Variants in LRRC4C observed in about 807,000 individuals in gnomAD.
The protein encoded by LRRC4C is leucine rich repeat containing 4C.
A neutral mutation model predicts 33.6 loss-of-function variants in LRRC4C; 5 were observed. The observed-to-expected ratio is 0.15, with a 90% CI of 0.08 to 0.31. The LOEUF is 0.31. Ranked by LOEUF, LRRC4C falls within the 10% of genes least tolerant of loss-of-function variation. The probability of loss-of-function intolerance (pLI) is 1.00; values close to 1 mark genes in which losing one functional copy is unlikely to be tolerated. For missense variants in LRRC4C, 560 were observed against 796.7 expected, an observed-to-expected ratio of 0.70 and a Z score of 3.58; for synonymous variants, 329 against 302.0, an observed-to-expected ratio of 1.09 and a Z score of -0.93.
rs551948979 is a variant in LRRC4C at position 40,914,274 on chromosome 11, T to G, written c.-407+19361A>C. On this transcript the variant is annotated intron_variant, in intron 2 of 6. Transcript: ENST00000528697. Reference sequence around the variant, plus strand: ...GAGAATTTTAGGCCAATATCCCTGATGAACATTAATGCAAAAATCCTCAAT... The same window carrying G: ...GAGAATTTTAGGCCAATATCCCTGAGGAACATTAATGCAAAAATCCTCAAT... Among the ~76,000 whole-genome samples, 4 of 152,296 alleles carry G rather than the reference T, an allele frequency of 2.6e-5. No homozygotes were observed. In the South Asian group the frequency reaches 8.3e-4, roughly 32 times the overall value.
chr11:40,891,555 G>A (rs887462941), intron 2 of LRRC4C, among the ~76,000 whole-genome samples: 1 of 151,870 alleles, frequency 6.6e-6, no homozygotes, highest in Non-Finnish European at 1.5e-5. Context: ...TAACTCTACA[G>A]GAAAAAATCT....
At chr11:41,143,094 C>T (rs148162942) in intron 1 of LRRC4C, among the ~76,000 whole-genome samples, 190 of 151,830 alleles carry the variant, frequency 1.3e-3, no homozygotes, top group Middle Eastern at 0.01. Context: ...AAAAACTCTA[C>T]GATAAAGAAA....
At position 40,115,665 on chromosome 11, in the gene LRRC4C, G is replaced by A. The variant is rs568747706; in HGVS notation, c.628C>T (p.Arg210Trp). 65 of 1,614,160 alleles carry A rather than the reference G, an allele frequency of 4.0e-5. No homozygotes were observed. Among genetic ancestry groups the A allele is most frequent in the Middle Eastern group, 1.6e-4 (1 of 6,062 alleles). Residue 210 changes from arginine to tryptophan, a missense_variant, in exon 7 of 7, where the codon CGG becomes TGG. By Grantham distance (101) the Arg-to-Trp change is moderately radical. Around this residue, in one of 3 missense-constraint regions of LRRC4C, gnomAD observed 455 missense variants for 643.8 expected, o/e 0.71. Coordinates refer to ENST00000528697, the MANE Select transcript of LRRC4C (RefSeq NM_001258419.2). This position sits in a 1 kb window ranked among gnomAD's most constrained non-coding sequence, Gnocchi z 6.7. ...AGCGGTGTGAGGTTAGGGATTTCCC[G>A]AAGGTTGCACATGGCAAGGTTCAAA... ...RYLNLAMCNL[R>W]EIPNLTPLIK...
Position 41,037,279 on chromosome 11 carries a change from T to TG in LRRC4C, c.-495-103557dup, listed in dbSNP as rs754929003. Among the ~76,000 whole-genome samples, 14 of 92,434 alleles carry TG rather than the reference T, an allele frequency of 1.5e-4. 1 individual carries two copies. In the South Asian group the frequency reaches 1.5e-3, roughly 10 times the overall value. 60.6% of individuals were successfully genotyped at this position (92,434 alleles called of 152,430 possible). A position where few individuals can be genotyped will look rare whatever the true frequency, so the allele number is the denominator to read the frequency against. ...ATTCTTCCCAATTACCTATCTTTGA[T>TG]GGGTTTTTTTTTTTCTGATAATGCC... On this transcript the variant is annotated intron_variant, in intron 1 of 6. Coordinates refer to ENST00000528697, the MANE Select transcript of LRRC4C (RefSeq NM_001258419.2).
intron 2 of LRRC4C, among the ~76,000 whole-genome samples, chr11:40,651,543 G>T (rs1269589952): frequency 2.0e-5 from 3 of 152,060 alleles, no homozygotes; most frequent in Admixed American, 6.6e-5. Context: ...CCATCTATTG[G>T]AGATCCTCTA....
chr11:40,957,602 A>G (rs1959016002), intron 1 of LRRC4C, among the ~76,000 whole-genome samples: 1 of 151,728 alleles, frequency 6.6e-6, no homozygotes, highest in African/African-American at 2.4e-5. Context: ...TCCACACTAA[A>G]CGAACTATGG....
intron 4 of LRRC4C, among the ~76,000 whole-genome samples, chr11:40,287,804 G>A (rs1370854096): frequency 3.9e-5 from 6 of 152,110 alleles, no homozygotes; most frequent in Admixed American, 2.6e-4. Flanking sequence ...CTTTACTGAC[G>A]AAATGGCATT....
At chr11:40,234,511 G>T (rs1346839165) in intron 5 of LRRC4C, among the ~76,000 whole-genome samples, 1 of 152,130 alleles carries the variant, frequency 6.6e-6, no homozygotes, top group East Asian at 1.9e-4. Context: ...GCTCATGTCT[G>T]CAATCCCAGC....
chr11:40,170,016 T>C (rs1256334877), intron 5 of LRRC4C, among the ~76,000 whole-genome samples: 1 of 152,194 alleles, frequency 6.6e-6, no homozygotes, highest in Non-Finnish European at 1.5e-5. Context: ...AGTACTAGCT[T>C]GGCTTTACAA....
intron 2 of LRRC4C, among the ~76,000 whole-genome samples, chr11:40,831,222 T>A (rs963728107): frequency 6.6e-6 from 1 of 152,108 alleles, no homozygotes; most frequent in Non-Finnish European, 1.5e-5. Flanking sequence ...TAAGATAAAT[T>A]TCTGAAATTG....
At chr11:40,132,239 C>T (rs1025119531) in intron 6 of LRRC4C, among the ~76,000 whole-genome samples, 1 of 152,140 alleles carries the variant, frequency 6.6e-6, no homozygotes, top group East Asian at 1.9e-4. Context: ...CATTTACAAC[C>T]TTCTCATAAT....
chr11:40,409,926 T>A (rs1177036454), intron 3 of LRRC4C, among the ~76,000 whole-genome samples: 2 of 152,136 alleles, frequency 1.3e-5, no homozygotes, highest in African/African-American at 4.8e-5. Flanking sequence ...ACAGTGAATA[T>A]ATATTTCAAA....
At chr11:40,843,924 A>G (rs1210176231) in intron 2 of LRRC4C, among the ~76,000 whole-genome samples, 2 of 152,190 alleles carry the variant, frequency 1.3e-5, no homozygotes, top group Non-Finnish European at 2.9e-5. Flanking sequence ...GGAGCTTTAC[A>G]TGGCTAGTAG....
chr11:41,196,924 C>T (rs1946202755), intron 1 of LRRC4C, among the ~76,000 whole-genome samples: 1 of 151,966 alleles, frequency 6.6e-6, no homozygotes, highest in Admixed American at 6.6e-5. Context: ...TCTTTATTCC[C>T]ATGTCAGACA....
At chr11:40,732,516 C>T (rs550510563) in intron 2 of LRRC4C, among the ~76,000 whole-genome samples, 1 of 152,208 alleles carries the variant, frequency 6.6e-6, no homozygotes, top group Non-Finnish European at 1.5e-5. Flanking sequence ...TCCTTTTACA[C>T]GCTGAGCCAA....
rs1953922396 is a variant in LRRC4C at position 40,487,494 on chromosome 11, A to C, written c.-270+160648T>G. On this transcript the variant is annotated intron_variant, in intron 3 of 6. Transcript: ENST00000528697. ...TCAATACTTTTGAAATGGAGAGACT[A>C]TCCTGGATCACCTGGGTGGGCCTTA... 2.6e-5 allele frequency among the ~76,000 whole-genome samples: 4 copies of C among 152,210 alleles called. No homozygotes were observed. The South Asian group carries it at 8.3e-4, about 32-fold the overall frequency.
At chr11:40,264,187 C>G (rs1331187930) in intron 4 of LRRC4C, among the ~76,000 whole-genome samples, 2 of 152,286 alleles carry the variant, frequency 1.3e-5, no homozygotes, top group African/African-American at 4.8e-5. Context: ...TATTTGAAAA[C>G]AGAGAGCACT....
chr11:41,402,256 T>C (rs1302814638), intron 1 of LRRC4C, among the ~76,000 whole-genome samples: 1 of 152,046 alleles, frequency 6.6e-6, no homozygotes, highest in Non-Finnish European at 1.5e-5. Flanking sequence ...ATGAAAGCCT[T>C]GCACACAATA....
chr11:41,173,146 A>T (rs1290911126), intron 1 of LRRC4C, among the ~76,000 whole-genome samples: 1 of 152,178 alleles, frequency 6.6e-6, no homozygotes, highest in African/African-American at 2.4e-5. Flanking sequence ...CAAATGATCC[A>T]GTGGGGCCAA....
Sources: allele counts gnomAD v4.1 joint callset (sites outside exome capture counted in the v4.1 genomes callset), GRCh38; gene constraint gnomAD v4.1.1; regional missense constraint gnomAD v4.1.1; non-coding constraint Gnocchi (gnomAD v3.1); transcripts MANE v1.5; gene names NCBI Gene and HGNC (gene_info 2026-07-23, HGNC 2026-07-21).